Variants in SLC14A2 observed in about 807,000 individuals in gnomAD.
The protein encoded by SLC14A2 is solute carrier family 14 member 2, also known as urea transporter 2.
SLC14A2 carries 91 observed loss-of-function variants against 104.6 expected under a neutral mutation model. The observed-to-expected ratio is 0.87, with a 90% CI of 0.73 to 1.04. The LOEUF (loss-of-function observed/expected upper bound fraction) is 1.04. Among genes scored for constraint, SLC14A2 ranks in the 50% least tolerant of loss-of-function variants. SLC14A2 has a pLI of 0.00. For missense variants in SLC14A2, 1,189 were observed against 1,156.0 expected (o/e 1.03, Z -0.41); for synonymous variants, 476 against 466.4 (o/e 1.02, Z -0.27).
intron 1 of SLC14A2, among the ~76,000 whole-genome samples, chr18:45,432,371 A>G (rs2086530283): frequency 6.6e-6 from 1 of 152,174 alleles, no homozygotes; most frequent in Admixed American, 6.5e-5. Context: ...ACCATCCTCC[A>G]AAGAACGTAG....
intron 1 of SLC14A2, among the ~76,000 whole-genome samples, chr18:45,479,863 CG>C (rs2087459196): frequency 6.6e-6 from 1 of 152,124 alleles, no homozygotes; most frequent in Non-Finnish European, 1.5e-5. Context: ...GGACTCTGTC[CG>C]GATGTGGCCA....
Position 45,681,955 on chromosome 18 carries a change from G to T in SLC14A2, c.2563-364G>T, listed in dbSNP as rs572381200. Among the ~76,000 whole-genome samples the T allele has an allele frequency of 1.3e-4, 20 of 152,346 alleles. No individual in the cohort carries two copies. The South Asian group carries it at 4.1e-3, about 32-fold the overall frequency. On this transcript the variant is annotated intron_variant, in intron 19 of 19. Transcript: ENST00000255226. The stretch of plus-strand genomic sequence containing the variant: ...CAAAGACACTTCTCCAACAGGGGCT[G>T]ATGGGAGAAGACACAGGATGACCAT...
At chr18:45,460,820 C>A (rs59087990) in intron 1 of SLC14A2, among the ~76,000 whole-genome samples, 4 of 152,232 alleles carry the variant, frequency 2.6e-5, no homozygotes, top group African/African-American at 9.6e-5. Context: ...TAGGCCTTGA[C>A]CTTGGGTGTC....
At chr18:45,547,989 C>A (rs1470426186) in intron 2 of SLC14A2, among the ~76,000 whole-genome samples, 1 of 152,138 alleles carries the variant, frequency 6.6e-6, no homozygotes, top group Non-Finnish European at 1.5e-5. Flanking sequence ...CTTTGTAGCC[C>A]AGGACTTGGA....
At chr18:45,451,107 C>T (rs1381094199) in intron 1 of SLC14A2, among the ~76,000 whole-genome samples, 1 of 152,192 alleles carries the variant, frequency 6.6e-6, no homozygotes, top group Non-Finnish European at 1.5e-5. Context: ...AAGCTTTCCA[C>T]AATTGATGCT....
intron 18 of SLC14A2, among the ~76,000 whole-genome samples, chr18:45,678,491 A>G (rs2046261628): frequency 6.6e-6 from 1 of 151,982 alleles, no homozygotes; most frequent in Non-Finnish European, 1.5e-5. Context: ...CCCAGTGGCC[A>G]GCCTCGTCAT....
chr18:45,361,231 A>G (rs1425032097), intron 1 of SLC14A2, among the ~76,000 whole-genome samples: 1 of 152,168 alleles, frequency 6.6e-6, no homozygotes, highest in African/African-American at 2.4e-5. Context: ...TGCGTAATAA[A>G]CCCTTAATAG....
chr18:45,444,071 C>T (rs556537349), intron 1 of SLC14A2, among the ~76,000 whole-genome samples: 33 of 152,168 alleles, frequency 2.2e-4, no homozygotes, highest in Non-Finnish European at 3.8e-4. Flanking sequence ...ACCAATGCTG[C>T]AAATTTGTTT....
intron 2 of SLC14A2, among the ~76,000 whole-genome samples, chr18:45,603,175 C>T (rs915704024): frequency 1.1e-4 from 17 of 152,026 alleles, no homozygotes; most frequent in African/African-American, 3.6e-4. Context: ...TCAGAATGAC[C>T]ACTGCTCAAT....
chr18:45,326,676 T>C (rs572704623), intron 1 of SLC14A2, among the ~76,000 whole-genome samples: 1 of 152,298 alleles, frequency 6.6e-6, no homozygotes, highest in East Asian at 1.9e-4. Flanking sequence ...AGAGTGCTTG[T>C]CCTTGTGCTT....
intron 1 of SLC14A2, among the ~76,000 whole-genome samples, chr18:45,442,672 CAT>C (rs2086699269): frequency 6.6e-6 from 1 of 152,052 alleles, no homozygotes; most frequent in South Asian, 2.1e-4. Context: ...AGGACTTCAA[CAT>C]ATGAATTTTG....
chr18:45,514,836 G>A (rs1028438658), intron 2 of SLC14A2, among the ~76,000 whole-genome samples: 2 of 152,092 alleles, frequency 1.3e-5, no homozygotes, highest in African/African-American at 4.8e-5. Context: ...GCACTGGGTG[G>A]CTATTAATAT....
chr18:45,347,008 T>TAAAC (rs139343296), intron 1 of SLC14A2, among the ~76,000 whole-genome samples: 64 of 126,078 alleles, frequency 5.1e-4, no homozygotes, highest in African/African-American at 2.0e-3. Flanking sequence ...AATAAATAAA[T>TAAAC]AAACAAACAA....
At chr18:45,627,866 T>A (rs1242167104) in intron 4 of SLC14A2, among the ~76,000 whole-genome samples, 1 of 151,742 alleles carries the variant, frequency 6.6e-6, no homozygotes, top group Non-Finnish European at 1.5e-5. Context: ...AAAAATCAGC[T>A]GTGCATGGTC....
Position 45,627,019 on chromosome 18 carries a change from C to T in SLC14A2, c.393C>T (p.Phe131=), listed in dbSNP as rs753722199. The part of the protein sequence containing the change: ...WVLRGTAQVM[F]INNPLSGLII... Reference sequence around the variant, plus strand: ...TGAGAGGGACCGCTCAGGTGATGTTCATCAACAATCCTCTCAGCGGCCTCA... The same window carrying T: ...TGAGAGGGACCGCTCAGGTGATGTTTATCAACAATCCTCTCAGCGGCCTCA... Residue 131 remains phenylalanine (F), a synonymous_variant, in exon 4 of 20, where the codon TTC becomes TTT. Coordinates refer to ENST00000255226, the MANE Select transcript of SLC14A2 (RefSeq NM_007163.4). 1.4e-5 allele frequency: 22 copies of T among 1,612,942 alleles called. No individual in the cohort carries two copies. The Admixed American group carries it at 3.3e-4, about 24-fold the overall frequency.
At chr18:45,456,363 G>C (rs1169343140) in intron 1 of SLC14A2, among the ~76,000 whole-genome samples, 1 of 152,140 alleles carries the variant, frequency 6.6e-6, no homozygotes. Context: ...TGCCCCCAGG[G>C]GATGCTGTTT....
chr18:45,386,527 C>T (rs1021443251), intron 1 of SLC14A2, among the ~76,000 whole-genome samples: 6 of 152,322 alleles, frequency 3.9e-5, no homozygotes, highest in African/African-American at 1.4e-4. Context: ...ACTATGGCTA[C>T]CTGGCTGGGT....
At chr18:45,624,944 G>A in intron 2 of SLC14A2, 130 bp downstream of exon 2, 1 of 896,080 alleles carries the variant, frequency 1.1e-6, no homozygotes, top group East Asian at 2.6e-5. Flanking sequence ...AGTACATGGT[G>A]ACACCCATGG....
intron 1 of SLC14A2, among the ~76,000 whole-genome samples, chr18:45,249,870 G>A (rs1415674128): frequency 6.6e-6 from 1 of 152,058 alleles, no homozygotes; most frequent in African/African-American, 2.4e-5. Flanking sequence ...GATCCCTTGT[G>A]CCCAGGAGTT....
Sources: allele counts gnomAD v4.1 joint callset (sites outside exome capture counted in the v4.1 genomes callset), GRCh38; gene constraint gnomAD v4.1.1; transcripts MANE v1.5; gene names NCBI Gene and HGNC (gene_info 2026-07-23, HGNC 2026-07-21).